The following KCNMA1 variants were observed in gnomAD, a reference collection of about 807,000 sequenced individuals.
KCNMA1 encodes Calcium-activated potassium channel subunit alpha-1.
A neutral mutation model predicts 140.0 loss-of-function variants in KCNMA1; 29 were observed. That is an observed-to-expected ratio of 0.21 (90% CI 0.15 to 0.28). The LOEUF is 0.28. Ranked by LOEUF, KCNMA1 falls within the 10% of genes least tolerant of loss-of-function variation. The pLI, the probability that KCNMA1 is intolerant of heterozygous loss-of-function variation, is 1.00. For synonymous variants in KCNMA1, 612 were observed against 611.9 expected, an observed-to-expected ratio of 1.00 and a Z score of 0.00; for missense variants, 880 against 1,602.2, an observed-to-expected ratio of 0.55 and a Z score of 7.70.
At chr10:77,283,789 G>C (rs2069602893) in intron 2 of KCNMA1, among the ~76,000 whole-genome samples, 1 of 152,178 alleles carries the variant, frequency 6.6e-6, no homozygotes, top group Admixed American at 6.5e-5. Context: ...GTTAATGGGG[G>C]AGACAGGTAT....
At chr10:77,286,729 T>C (rs1427813840) in intron 2 of KCNMA1, among the ~76,000 whole-genome samples, 1 of 145,718 alleles carries the variant, frequency 6.9e-6, no homozygotes, top group African/African-American at 2.5e-5. Context: ...TCCGTAAGTC[T>C]TTGCAAATTT....
At chr10:77,494,580 T>C (rs1343391513) in intron 1 of KCNMA1, among the ~76,000 whole-genome samples, 2 of 152,160 alleles carry the variant, frequency 1.3e-5, no homozygotes, top group Non-Finnish European at 2.9e-5. Flanking sequence ...ACCACCCAGA[T>C]GGGGAGGCCT....
rs1392584426 is a variant in KCNMA1, at chr10:76,963,827, A to G, written c.2360+6147T>C. The stretch of plus-strand genomic sequence containing the variant: ...TTCTACCCTTCTTTAACAACATGGT[A>G]TCTAGTCACTAAGACCTTGAGCACA... On this transcript the variant is annotated intron_variant, in intron 20 of 27. Transcript: ENST00000286628. Among the ~76,000 whole-genome samples, 6 of 152,136 alleles carry G rather than the reference A, an allele frequency of 3.9e-5. No individual in the cohort carries two copies. The East Asian group carries it at 5.8e-4, about 15-fold the overall frequency.
intron 1 of KCNMA1, among the ~76,000 whole-genome samples, chr10:77,585,849 T>C (rs1040016576): frequency 6.6e-6 from 1 of 152,154 alleles, no homozygotes; most frequent in African/African-American, 2.4e-5. Context: ...TCATGCATTG[T>C]TATTTGGGGC....
chr10:77,637,147 G>A, intron 1 of KCNMA1, 118 bp downstream of exon 1: 1 of 1,248,480 alleles, frequency 8.0e-7, no homozygotes, highest in Non-Finnish European at 1.1e-6. Flanking sequence ...GCGGCGAGGG[G>A]AAGGCAGGCG....
chr10:77,459,019 G>C (rs1472767653), intron 1 of KCNMA1, among the ~76,000 whole-genome samples: 1 of 152,154 alleles, frequency 6.6e-6, no homozygotes, highest in Non-Finnish European at 1.5e-5. Context: ...GGTAGAATCT[G>C]GGGTATTTAT....
chr10:77,373,390 A>G (rs948166415), intron 2 of KCNMA1, among the ~76,000 whole-genome samples: 5 of 152,216 alleles, frequency 3.3e-5, no homozygotes, highest in Admixed American at 6.5e-5. Flanking sequence ...TCTGCATGGG[A>G]AATTACAAGC....
At chr10:77,409,846 C>A (rs1046174027) in intron 1 of KCNMA1, among the ~76,000 whole-genome samples, 2 of 152,184 alleles carry the variant, frequency 1.3e-5, no homozygotes, top group African/African-American at 2.4e-5. Flanking sequence ...CCAAGTCCAA[C>A]TTTTCTGGGT....
chr10:76,947,511 A>G (rs1205331509), intron 22 of KCNMA1, among the ~76,000 whole-genome samples: 1 of 152,230 alleles, frequency 6.6e-6, no homozygotes, highest in Non-Finnish European at 1.5e-5. Context: ...CCCTTTACAA[A>G]GACACTTTCA....
In KCNMA1 at chr10:77,035,666, G is replaced by A. The variant is rs979497256; in HGVS notation, c.1859+3862C>T. Among the ~76,000 whole-genome samples the A allele has an allele frequency of 2.0e-5, 3 of 152,288 alleles. No homozygotes were observed. In the East Asian group the frequency reaches 5.8e-4, roughly 29 times the overall value. On this transcript the variant is annotated intron_variant, in intron 15 of 27. Transcript: ENST00000286628. ...ATATCTGATTAATCGGTGATTAACC[G>A]ATAAGAGAATTTCCTAAAGGTTAAA...
At chr10:77,373,715 CA>C (rs1394607779) in intron 2 of KCNMA1, 2 of 152,078 alleles carry the variant, frequency 1.3e-5, no homozygotes, top group African/African-American at 4.8e-5. Context: ...CCCACTGATG[CA>C]AAAAGAAGGT....
chr10:77,405,625 C>T (rs1268455417), intron 1 of KCNMA1, among the ~76,000 whole-genome samples: 1 of 152,174 alleles, frequency 6.6e-6, no homozygotes, highest in Non-Finnish European at 1.5e-5. Context: ...GTACATTTAA[C>T]TGGACCCCAA....
chr10:77,487,401 T>C (rs2098473869), intron 1 of KCNMA1, among the ~76,000 whole-genome samples: 1 of 152,154 alleles, frequency 6.6e-6, no homozygotes, highest in Non-Finnish European at 1.5e-5. Context: ...AAAAGAAGTG[T>C]ATACTTCTTC....
intron 5 of KCNMA1, among the ~76,000 whole-genome samples, chr10:77,134,049 T>C (rs919957062): frequency 6.6e-6 from 1 of 152,152 alleles, no homozygotes; most frequent in Non-Finnish European, 1.5e-5. Context: ...CATGCAATGA[T>C]GGACCTCATA....
intron 25 of KCNMA1, among the ~76,000 whole-genome samples, chr10:76,897,011 TACACACACACACACAC>T (rs3067677): frequency 3.4e-4 from 48 of 142,820 alleles, no homozygotes; most frequent in Admixed American, 1.1e-3. Context: ...AGGTGAAAAT[TACACACACACACACAC>T]ACACACACAC....
At chr10:77,553,921 T>A (rs2154557491) in intron 1 of KCNMA1, among the ~76,000 whole-genome samples, 1 of 152,316 alleles carries the variant, frequency 6.6e-6, no homozygotes, top group Non-Finnish European at 1.5e-5. Context: ...TAACACAGAT[T>A]TGATATTCCA....
At chr10:76,978,373 C>A (rs1251277867) in intron 19 of KCNMA1, 4 of 152,212 alleles carry the variant, frequency 2.6e-5, no homozygotes, top group Non-Finnish European at 5.9e-5. Flanking sequence ...TCCATTAAAT[C>A]ATTTTATGCC....
At chr10:77,334,445 C>T (rs2087966800) in intron 2 of KCNMA1, among the ~76,000 whole-genome samples, 1 of 152,170 alleles carries the variant, frequency 6.6e-6, no homozygotes, top group Non-Finnish European at 1.5e-5. Flanking sequence ...TGTTTTCTTA[C>T]AAAAATCTTT....
At chr10:76,901,994 A>T (rs2045667340) in intron 25 of KCNMA1, 1 of 152,256 alleles carries the variant, frequency 6.6e-6, no homozygotes, top group African/African-American at 2.4e-5. Flanking sequence ...TGGTGGAAAG[A>T]CAATGCCTTT....
Sources: gnomAD v4.1 joint callset for allele counts (sites outside exome capture counted in the v4.1 genomes callset) on GRCh38, gnomAD v4.1.1 for gene constraint, MANE v1.5 for transcripts, NCBI Gene and HGNC (gene_info 2026-07-23, HGNC 2026-07-21) for gene names.